Variants in MMP15 observed in about 807,000 individuals in gnomAD.
The protein encoded by MMP15 is matrix metalloproteinase-15.
MMP15 carries 36 observed loss-of-function variants against 65.0 expected under a neutral mutation model. The ratio of observed to expected loss-of-function variants is 0.55; its 90% confidence interval spans 0.42 to 0.73. The LOEUF is 0.73. Among genes scored for constraint, MMP15 ranks in the 30% least tolerant of loss-of-function variants. The pLI is 0.00. For missense variants in MMP15, 870 were observed against 987.8 expected, an observed-to-expected ratio of 0.88 and a Z score of 1.60; for synonymous variants, 428 against 410.2, an observed-to-expected ratio of 1.04 and a Z score of -0.52.
chr16:58,026,031 CCAGA>C lies in MMP15; in HGVS notation c.-317_-314del, dbSNP rs1555499092. ...GGGACCGGGCGGCCGGAGCGCTGAG[CCAGA>C]CAAAGGCTCCGGAGTTGCGCTTGCT... is the stretch of plus-strand genomic sequence containing the variant. On this transcript the variant is annotated 5_prime_UTR_variant, in exon 1 of 10. Transcript: ENST00000219271. The C allele has an allele frequency of 2.4e-5, 5 of 208,806 alleles. No homozygotes were observed. Among genetic ancestry groups the C allele is most frequent in the Non-Finnish European group, 9.5e-6 (1 of 105,406 alleles). The allele number at this position is 208,806 out of a possible 1,614,324, so 12.9% of individuals were successfully genotyped here.
chr16:58,043,188 G>A lies in MMP15; in HGVS notation c.1304-22G>A, dbSNP rs41525748. The A allele has an allele frequency of 1.2e-3, 1,911 of 1,560,756 alleles. 25 individuals carry two copies. In the African/African-American group the frequency reaches 0.022, roughly 18 times the overall value. On this transcript the variant is annotated intron_variant, in intron 7 of 9. Transcript: ENST00000219271. Reference sequence around the variant, plus strand: ...CCTCAGCCCCAGGCCTGACCTCACTGTGCCTGCCACCCCTCCTGTAGGTGA... The same window carrying A: ...CCTCAGCCCCAGGCCTGACCTCACTATGCCTGCCACCCCTCCTGTAGGTGA...
intron 1 of MMP15, 99 bp downstream of exon 1, chr16:58,026,611 G>C (rs561083548): frequency 8.1e-7 from 1 of 1,229,606 alleles, no homozygotes; most frequent in African/African-American, 1.6e-5. Context: ...GAGCGGAGAC[G>C]CGCCCCCTGT....
intron 1 of MMP15, among the ~76,000 whole-genome samples, chr16:58,036,394 CTG>C (rs1472828864): frequency 1.1e-4 from 17 of 152,282 alleles, no homozygotes; most frequent in Middle Eastern, 3.4e-3. Context: ...CCCAGGGAGA[CTG>C]TAAGTTCCTG....
intron 1 of MMP15, among the ~76,000 whole-genome samples, chr16:58,027,883 G>A (rs1963845507): frequency 6.7e-6 from 1 of 148,722 alleles, no homozygotes; most frequent in African/African-American, 2.5e-5. Flanking sequence ...CATTCACACA[G>A]GCAGGAGGAG....
intron 1 of MMP15, among the ~76,000 whole-genome samples, chr16:58,030,905 C>T (rs776559810): frequency 3.9e-5 from 6 of 151,954 alleles, no homozygotes; most frequent in Non-Finnish European, 8.8e-5. Flanking sequence ...GATGGAGTTA[C>T]GGGGAGATTC....
chr16:58,038,467 C>G (rs1416780171), intron 3 of MMP15, 73 bp downstream of exon 3: 1 of 1,588,496 alleles, frequency 6.3e-7, no homozygotes, highest in Admixed American at 1.7e-5. Context: ...TTCCCAGAGC[C>G]CACCTCGGCG....
chr16:58,031,619 G>A lies in MMP15; in HGVS notation c.162+5107G>A, dbSNP rs543176057. 2.1e-3 allele frequency among the ~76,000 whole-genome samples: 321 copies of A among 152,266 alleles called. 1 individual carries two copies. The highest frequency in any genetic ancestry group is 5.6e-3 in the South Asian group (27 of 4,830). On this transcript the variant is annotated intron_variant, in intron 1 of 9. Transcript: ENST00000219271. The stretch of plus-strand genomic sequence containing the variant: ...GGAGTGTGGGGCAGGCTGGAAGGCT[G>A]CTGGGTAAAGAAGTGGTCAGACCTC...
rs1177815227 is a variant in MMP15, at chr16:58,043,346, C to T, written c.1440C>T (p.Phe480=). The change falls in exon 8 of 10, where the codon TTC becomes TTT. Residue 480 remains phenylalanine, a synonymous_variant. Coordinates refer to ENST00000219271, the MANE Select transcript of MMP15 (RefSeq NM_002428.4). ...IWWEPTGHTF[F]FQEDRYWRFN... ...GGGAGCCCACAGGCCACACCTTCTT[C>T]TTCCAAGAGGACAGGTGAGCAGTGC... The T allele has an allele frequency of 2.5e-6, 4 of 1,605,674 alleles. No individual in the cohort carries two copies. The highest frequency in any genetic ancestry group is 3.4e-6 in the Non-Finnish European group (4 of 1,175,122).
chr16:58,027,825 C>G (rs1432794481), intron 1 of MMP15, among the ~76,000 whole-genome samples: 1 of 152,116 alleles, frequency 6.6e-6, no homozygotes, highest in East Asian at 1.9e-4. Context: ...TGGTGGGAGG[C>G]AGGATAGGAG....
Position 58,026,464 on chromosome 16 carries a change from C to T in MMP15, c.114C>T (p.Gly38=). The T allele has an allele frequency of 1.4e-6, 2 of 1,422,038 alleles. No homozygotes were observed. The highest frequency in any genetic ancestry group is 3.0e-5 in the East Asian group (1 of 32,892). 88.1% of individuals were successfully genotyped at this position (1,422,038 alleles called of 1,614,324 possible). A position where few individuals can be genotyped will look rare whatever the true frequency, so the allele number is the denominator to read the frequency against. Residue 38 remains glycine, a synonymous_variant, in exon 1 of 10, where the codon GGC becomes GGT. Coordinates refer to ENST00000219271, the MANE Select transcript of MMP15 (RefSeq NM_002428.4). Reference sequence around the variant, plus strand: ...TGCCGCTGCTCCTGGTGCTTCTGGGCTGCCTGGGCCTTGGCGTAGCGGCCG... The same window carrying T: ...TGCCGCTGCTCCTGGTGCTTCTGGGTTGCCTGGGCCTTGGCGTAGCGGCCG... ...RLLPLLLVLL[G]CLGLGVAAED...
chr16:58,037,047 G>A (rs1567429807), intron 1 of MMP15, among the ~76,000 whole-genome samples: 1 of 152,232 alleles, frequency 6.6e-6, no homozygotes, highest in Non-Finnish European at 1.5e-5. Context: ...TGAAGAAAAT[G>A]AGGATGAAAG....
In MMP15 at chr16:58,026,202, C is replaced by G; in HGVS notation, c.-149C>G. The G allele has an allele frequency of 2.3e-6, 2 of 885,188 alleles. No homozygotes were observed. Among genetic ancestry groups the G allele is most frequent in the Non-Finnish European group, 3.0e-6 (2 of 673,106 alleles). 54.8% of individuals were successfully genotyped at this position (885,188 alleles called of 1,614,324 possible). Reference sequence around the variant, plus strand: ...CTTCTCCTCGGGCTTGGGAATTTGCCGAGGCGACCTAGGCGGCTCCGGCGG... The same window carrying G: ...CTTCTCCTCGGGCTTGGGAATTTGCGGAGGCGACCTAGGCGGCTCCGGCGG... On this transcript the variant is annotated 5_prime_UTR_variant, in exon 1 of 10. Transcript: ENST00000219271.
chr16:58,026,379 G>T lies in MMP15; in HGVS notation c.29G>T (p.Arg10Leu), dbSNP rs559140401. Residue 10 changes from arginine (R) to leucine (L), a missense_variant, in exon 1 of 10, where the codon CGG becomes CTG. Coordinates refer to ENST00000219271, the MANE Select transcript of MMP15 (RefSeq NM_002428.4). MGSDPSAPG[R>L]PGWTGSLLGD... is the part of the protein sequence containing the mutation. ...GGCAGCGACCCGAGCGCGCCCGGACGGCCGGGCTGGACGGGCAGCCTCCTC... is the reference window on the plus strand; with the variant it reads ...GGCAGCGACCCGAGCGCGCCCGGACTGCCGGGCTGGACGGGCAGCCTCCTC... The T allele has an allele frequency of 8.8e-5, 122 of 1,380,792 alleles. No homozygotes were observed. In the African/African-American group the frequency reaches 1.8e-3, roughly 20 times the overall value. 85.5% of individuals were successfully genotyped at this position (1,380,792 alleles called of 1,614,324 possible).
At chr16:58,040,469 G>A in intron 4 of MMP15, 68 bp from the exon 5 acceptor site, 1 of 1,550,892 alleles carries the variant, frequency 6.4e-7, no homozygotes, top group Non-Finnish European at 8.7e-7. Context: ...CAGCCTGGAG[G>A]GTCCAGGGTG....
In MMP15 at chr16:58,037,555, C is replaced by G; in HGVS notation, c.246C>G (p.Ala82=). ...TMRSAQILAS[A]LAEMQRFYGI... ...GTTCCGCCCAGATCTTGGCCTCGGC[C>G]CTTGCAGAGATGCAGCGCTTCTACG... Residue 82 remains alanine (A), a synonymous_variant, in exon 2 of 10, where the codon GCC becomes GCG. Coordinates refer to ENST00000219271, the MANE Select transcript of MMP15 (RefSeq NM_002428.4). 1.9e-6 allele frequency: 3 copies of G among 1,614,216 alleles called. No homozygotes were observed. Among genetic ancestry groups the G allele is most frequent in the Non-Finnish European group, 2.5e-6 (3 of 1,180,036 alleles).
intron 2 of MMP15, 98 bp from the exon 3 acceptor site, chr16:58,038,168 C>T: frequency 3.3e-6 from 5 of 1,508,858 alleles, no homozygotes; most frequent in Middle Eastern, 2.2e-4. Flanking sequence ...ATAGGAGGGG[C>T]GGCTGGGAAG....
intron 3 of MMP15, among the ~76,000 whole-genome samples, chr16:58,038,601 A>G (rs1597064895): frequency 6.6e-6 from 1 of 151,008 alleles, no homozygotes; most frequent in South Asian, 2.1e-4. Flanking sequence ...CCCACCCCCC[A>G]CCTCCCTGCA....
chr16:58,044,891 A>C (rs554287136), intron 9 of MMP15, 116 bp from the exon 10 acceptor site: 2 of 1,168,270 alleles, frequency 1.7e-6, no homozygotes, highest in East Asian at 2.5e-5. Context: ...GAAAATACTC[A>C]GGGAAGCAAA....
At chr16:58,042,837 C>T (rs999186980) in intron 7 of MMP15, among the ~76,000 whole-genome samples, 1 of 152,212 alleles carries the variant, frequency 6.6e-6, no homozygotes, top group Non-Finnish European at 1.5e-5. Context: ...AAACTAAAAG[C>T]AGGGAGCCCT....
Sources: gnomAD v4.1 joint callset for allele counts (sites outside exome capture counted in the v4.1 genomes callset) on GRCh38, gnomAD v4.1.1 for gene constraint, MANE v1.5 for transcripts, NCBI Gene and HGNC (gene_info 2026-07-23, HGNC 2026-07-21) for gene names.